TCF20: variants seen among roughly 807,000 people sequenced by gnomAD.
TCF20 encodes SPRE-binding protein.
In TCF20, 3 loss-of-function variants were observed where a neutral mutation model predicts 148.6. That is an observed-to-expected ratio of 0.02 (90% CI 0.01 to 0.05). TCF20 has a LOEUF of 0.05. Ranked by LOEUF, TCF20 falls within the 10% of genes least tolerant of loss-of-function variation. The pLI, the probability that TCF20 is intolerant of heterozygous loss-of-function variation, is 1.00. For missense variants in TCF20, 2,350 were observed against 2,429.3 expected (o/e 0.97, Z 0.69); for synonymous variants, 1,049 against 909.5 (o/e 1.15, Z -2.76).
At chr22:42,291,513 G>A (rs886905795) in intron 1 of TCF20, among the ~76,000 whole-genome samples, 3 of 152,202 alleles carry the variant, frequency 2.0e-5, no homozygotes, top group African/African-American at 7.2e-5. Flanking sequence ...TGGACTATGA[G>A]CCCTGGGGCA....
chr22:42,272,692 G>A (rs1926668644), upstream of TCF20, among the ~76,000 whole-genome samples: 1 of 152,322 alleles, frequency 6.6e-6, no homozygotes, highest in South Asian at 2.1e-4. Context: ...CCTTGGACCA[G>A]GCCAGCTGGG....
At position 42,212,172 on chromosome 22, in the gene TCF20, C is replaced by G. The variant is rs760541526; in HGVS notation, c.3134G>C (p.Arg1045Pro). 2 of 1,614,192 alleles carry G rather than the reference C, an allele frequency of 1.2e-6. No individual in the cohort carries two copies. The highest frequency in any genetic ancestry group is 1.7e-5 in the Admixed American group (1 of 60,030). Residue 1045 changes from arginine (R) to proline (P), a missense_variant, in exon 2 of 6, where the codon CGG becomes CCG. Coordinates refer to ENST00000677622, the MANE Select transcript of TCF20 (RefSeq NM_001378418.1). ...AGAAAAGGGAGTGTGTAAAGAACTC[C>G]GGTTAGCCCTCTCTGAAAAGGTCAT... ...PHMTFSERAN[R>P]SSLHTPFSPN... is the part of the protein sequence containing the mutation.
At chr22:42,176,773 CAT>C (rs1206652589) in intron 3 of TCF20, among the ~76,000 whole-genome samples, 2 of 152,000 alleles carry the variant, frequency 1.3e-5, no homozygotes, top group African/African-American at 2.4e-5. Context: ...TGTTCTCGCT[CAT>C]GTGGAAATTT....
chr22:42,162,884 A>AAG (rs1202800371), intron 5 of TCF20, among the ~76,000 whole-genome samples: 2 of 152,216 alleles, frequency 1.3e-5, no homozygotes, highest in South Asian at 2.1e-4. Flanking sequence ...ACTACTTGGC[A>AAG]GAAAACACCA....
chr22:42,240,250 G>A (rs1198376444), intron 1 of TCF20, among the ~76,000 whole-genome samples: 1 of 152,082 alleles, frequency 6.6e-6, no homozygotes, highest in East Asian at 1.9e-4. Flanking sequence ...CAAAAATCAG[G>A]CGACTGGCTG....
intron 2 of TCF20, among the ~76,000 whole-genome samples, chr22:42,183,430 C>A (rs969044939): frequency 3.3e-5 from 5 of 152,206 alleles, no homozygotes; most frequent in African/African-American, 7.2e-5. Flanking sequence ...GATTCCCCCC[C>A]AGAGGGAGTT....
chr22:42,254,727 G>A (rs1925626086), intron 1 of TCF20, among the ~76,000 whole-genome samples: 1 of 152,190 alleles, frequency 6.6e-6, no homozygotes, highest in Non-Finnish European at 1.5e-5. Context: ...AGCACTTTGA[G>A]AGGCCGTGAC....
chr22:42,228,800 A>C (rs1341824746), intron 1 of TCF20, among the ~76,000 whole-genome samples: 1 of 152,230 alleles, frequency 6.6e-6, no homozygotes, highest in African/African-American at 2.4e-5. Flanking sequence ...AGTAGATGAG[A>C]TCACCCAGAG....
chr22:42,310,219 G>C (rs1032712163), intron 1 of TCF20, among the ~76,000 whole-genome samples: 1 of 152,172 alleles, frequency 6.6e-6, no homozygotes, highest in African/African-American at 2.4e-5. Flanking sequence ...TTCATCCCAG[G>C]GGCAGTAGGA....
Position 42,279,463 on chromosome 22 carries a change from C to T in TCF20, c.-37+4364G>A, listed in dbSNP as rs1226149421. On this transcript the variant is annotated intron_variant, in intron 1 of 5. Transcript: ENST00000359486. This position sits in a 1 kb window ranked among gnomAD's most constrained non-coding sequence, Gnocchi z 4.3. ...CTGCACTCCAGTCTGGGCAACAGAG[C>T]GACTCCCTCTCAATAAATAAAATAA... 2.0e-5 allele frequency among the ~76,000 whole-genome samples: 3 copies of T among 152,062 alleles called. No homozygotes were observed. Among genetic ancestry groups the T allele is most frequent in the South Asian group, 2.1e-4 (1 of 4,828 alleles).
intron 1 of TCF20, among the ~76,000 whole-genome samples, chr22:42,220,817 T>C (rs1445774615): frequency 6.6e-6 from 1 of 152,132 alleles, no homozygotes; most frequent in Non-Finnish European, 1.5e-5. Context: ...CACCAATGGC[T>C]GCAGCTCCAT....
intron 1 of TCF20, among the ~76,000 whole-genome samples, chr22:42,258,110 C>G (rs1925840060): frequency 6.6e-6 from 1 of 152,174 alleles, no homozygotes; most frequent in Admixed American, 6.5e-5. Flanking sequence ...AAAGGTCTGA[C>G]CAGTTTCTCT....
chr22:42,324,680 C>G (rs1157685995), intron 1 of TCF20, among the ~76,000 whole-genome samples: 3 of 151,616 alleles, frequency 2.0e-5, no homozygotes, highest in Non-Finnish European at 2.9e-5. Flanking sequence ...AGAAAATAAT[C>G]TCCACCATTT....
chr22:42,306,125 C>T (rs1228111233), intron 1 of TCF20, among the ~76,000 whole-genome samples: 1 of 152,248 alleles, frequency 6.6e-6, no homozygotes, highest in African/African-American at 2.4e-5. Context: ...GCTGCGGCCT[C>T]GCCACCCCCG....
intron 1 of TCF20, among the ~76,000 whole-genome samples, chr22:42,225,633 A>T (rs1922820455): frequency 6.6e-6 from 1 of 151,780 alleles, no homozygotes; most frequent in South Asian, 2.1e-4. Flanking sequence ...AAAAAAAAAA[A>T]AAAAAAAAAT....
intron 1 of TCF20, among the ~76,000 whole-genome samples, chr22:42,232,014 A>G (rs1212724814): frequency 4.6e-5 from 7 of 151,666 alleles, no homozygotes; most frequent in African/African-American, 1.5e-4. Flanking sequence ...AGTGTAGTCC[A>G]AATGTACAGT....
intron 1 of TCF20, among the ~76,000 whole-genome samples, chr22:42,242,227 A>AAAAGAAAAAAAAAAAAAAAAAAAAAAT (rs1491280192): frequency 8.1e-6 from 1 of 122,704 alleles, no homozygotes; most frequent in Non-Finnish European, 1.7e-5. Flanking sequence ...AAAAAAAAAA[A>AAAAGAAAAAAAAAAAAAAAAAAAAAAT]CAGAAAAGAA....
At chr22:42,269,759 A>C (rs1926492591) in intron 1 of TCF20, 1 of 152,786 alleles carries the variant, frequency 6.5e-6, no homozygotes, top group Admixed American at 6.5e-5. Context: ...TCCGCCCCCA[A>C]CAGGCGAGAA....
chr22:42,285,835 C>A (rs1168254720), upstream of TCF20, among the ~76,000 whole-genome samples: 1 of 152,070 alleles, frequency 6.6e-6, no homozygotes, highest in African/African-American at 2.4e-5. This position sits in a 1 kb window ranked among gnomAD's most constrained non-coding sequence, Gnocchi z 4.2. Context: ...TCTCTCCTCC[C>A]CCTACTCCCA....
Sources: allele counts gnomAD v4.1 joint callset (sites outside exome capture counted in the v4.1 genomes callset), GRCh38; gene constraint gnomAD v4.1.1; non-coding constraint Gnocchi (gnomAD v3.1); transcripts MANE v1.5; gene names NCBI Gene and HGNC (gene_info 2026-07-23, HGNC 2026-07-21).